Variants in MRPL58 observed in about 807,000 individuals in gnomAD.
MRPL58 encodes the protein large ribosomal subunit protein mL62.
Under a neutral mutation model 26.0 loss-of-function variants are expected in MRPL58, and 17 were observed. That is an observed-to-expected ratio of 0.65 (90% CI 0.45 to 0.98). The LOEUF is 0.98. Ranked by LOEUF, MRPL58 falls within the 50% of genes least tolerant of loss-of-function variation. The pLI is 0.00. For missense variants in MRPL58, 250 were observed against 269.0 expected (o/e 0.93, Z 0.49); for synonymous variants, 100 against 99.7 (o/e 1.00, Z -0.02).
At chr17:75,020,696 T>C (rs1456183022) in intron 5 of MRPL58, 39 bp downstream of exon 5, 3 of 1,600,610 alleles carry the variant, frequency 1.9e-6, no homozygotes, top group Non-Finnish European at 2.6e-6. Context: ...AACTGATTTG[T>C]GTGGACAAGA....
At chr17:75,014,580 A>C (rs1177917347) in intron 1 of MRPL58, among the ~76,000 whole-genome samples, 4 of 150,880 alleles carry the variant, frequency 2.7e-5, no homozygotes, top group African/African-American at 9.8e-5. Flanking sequence ...AGTAGCTGGG[A>C]TTACAGGCAT....
At chr17:75,012,973 G>T in intron 1 of MRPL58, 101 bp downstream of exon 1, 1 of 1,115,064 alleles carries the variant, frequency 9.0e-7, no homozygotes, top group Non-Finnish European at 1.3e-6. Context: ...ACGTCGGGGG[G>T]CTACGTGATG....
At chr17:75,015,928 G>C (rs1279135949) in intron 1 of MRPL58, among the ~76,000 whole-genome samples, 1 of 150,184 alleles carries the variant, frequency 6.7e-6, no homozygotes, top group Admixed American at 6.6e-5. Context: ...TAGGATTACA[G>C]GTGTGTGCCA....
intron 5 of MRPL58, 126 bp from the exon 6 acceptor site, chr17:75,020,795 C>G (rs939335196): frequency 8.2e-6 from 10 of 1,215,566 alleles, no homozygotes; most frequent in South Asian, 1.3e-5. Context: ...GACCTGGGAC[C>G]GAGGCCTGCG....
chr17:75,017,234 T>C, intron 2 of MRPL58, 120 bp downstream of exon 2: 1 of 753,020 alleles, frequency 1.3e-6, no homozygotes. Flanking sequence ...GAGGTTGCAG[T>C]GGGCCGAGTT....
intron 1 of MRPL58, among the ~76,000 whole-genome samples, chr17:75,013,692 A>C (rs1032094656): frequency 2.0e-5 from 3 of 152,218 alleles, no homozygotes; most frequent in Non-Finnish European, 4.4e-5. Context: ...GCATTTGAAT[A>C]ACGACCTGGA....
intron 1 of MRPL58, among the ~76,000 whole-genome samples, chr17:75,016,665 G>A (rs368172862): frequency 2.1e-4 from 32 of 152,220 alleles, no homozygotes; most frequent in African/African-American, 7.5e-4. Context: ...TGTCCAAGGT[G>A]GACTGCCTTG....
chr17:75,013,624 G>T (rs561716548), intron 1 of MRPL58, among the ~76,000 whole-genome samples: 3 of 152,308 alleles, frequency 2.0e-5, no homozygotes, highest in Admixed American at 2.0e-4. Flanking sequence ...AGTGCCAGAG[G>T]TAGGAAGTAG....
chr17:75,019,704 C>T lies in MRPL58; in HGVS notation c.228C>T (p.Arg76=). ...KQADSDIPLD[R]LTISYCRSSG... is the part of the protein sequence containing the mutation. Reference sequence around the variant, plus strand: ...GTACTTTCTTCTGTTTTACAGATCGCTTGACAATATCTTATTGTCGGAGTA... The same window carrying T: ...GTACTTTCTTCTGTTTTACAGATCGTTTGACAATATCTTATTGTCGGAGTA... The change falls in exon 3 of 6, where the codon CGC becomes CGT. Residue 76 remains arginine, a synonymous_variant. Coordinates refer to ENST00000301585, the MANE Select transcript of MRPL58 (RefSeq NM_001545.3). 1 of 1,613,010 alleles carries T rather than the reference C, an allele frequency of 6.2e-7. No homozygotes were observed. Among genetic ancestry groups the T allele is most frequent in the South Asian group, 1.1e-5 (1 of 91,036 alleles).
intron 2 of MRPL58, among the ~76,000 whole-genome samples, chr17:75,019,129 C>CAA (rs57738832): frequency 2.2e-5 from 3 of 138,658 alleles, no homozygotes; most frequent in African/African-American, 2.6e-5. Context: ...GACCCTGTCT[C>CAA]AAAAAAAAAA....
intron 3 of MRPL58, among the ~76,000 whole-genome samples, chr17:75,020,056 ATTTT>A (rs35323952): frequency 4.9e-5 from 6 of 123,698 alleles, no homozygotes; most frequent in Non-Finnish European, 7.0e-5. Context: ...CATTCCCTCC[ATTTT>A]TTTTTTTTTT....
chr17:75,013,072 G>A (rs550680555), intron 1 of MRPL58, among the ~76,000 whole-genome samples, 200 bp downstream of exon 1: 13 of 152,304 alleles, frequency 8.5e-5, no homozygotes, highest in Admixed American at 3.3e-4. Flanking sequence ...AGCCCGGAAG[G>A]CCGGCTGGGT....
Position 75,012,691 on chromosome 17 carries a change from C to T in MRPL58, c.5C>T (p.Ala2Val). 4 of 1,548,648 alleles carry T rather than the reference C, an allele frequency of 2.6e-6. No individual in the cohort carries two copies. The highest frequency in any genetic ancestry group is 2.0e-5 in the Admixed American group (1 of 50,912). The part of the protein sequence containing the change: M[A>V]ATRCLRWGLS... ...AAGCAGTCGCAAGACCTGAGCATGG[C>T]GGCCACCAGGTGCCTGCGCTGGGGC... The change falls in exon 1 of 6, where the codon GCG becomes GTG. Residue 2 changes from alanine (A) to valine (V), a missense_variant. Transcript: ENST00000301585.
chr17:75,021,073 AC>A lies in MRPL58; in HGVS notation c.*70del. ...CAGCTGCAGCTGAGAGGACTTTCAC[AC>A]CATAAGGAGATTTCTGTTTTTCTTT... On this transcript the variant is annotated 3_prime_UTR_variant, in exon 6 of 6. Coordinates refer to ENST00000301585, the MANE Select transcript of MRPL58 (RefSeq NM_001545.3). The A allele has an allele frequency of 1.0e-6, 1 of 968,504 alleles. No individual in the cohort carries two copies. The highest frequency in any genetic ancestry group is 1.7e-6 in the Non-Finnish European group (1 of 599,896). The allele number at this position is 968,504 out of a possible 1,614,324, so 60.0% of individuals were successfully genotyped here. A position where few individuals can be genotyped will look rare whatever the true frequency, so the allele number is the denominator to read the frequency against.
At position 75,020,212 on chromosome 17, in the gene MRPL58, G is replaced by T. The variant is rs1031092188; in HGVS notation, c.284-101G>T. ...TAGGCTACAATGTACATGGTTAGGT[G>T]TCTGGCCTCCCTTTATTTCAGAATG... On this transcript the variant is annotated intron_variant, in intron 3 of 5. Coordinates refer to ENST00000301585, the MANE Select transcript of MRPL58 (RefSeq NM_001545.3). 11 of 912,724 alleles carry T rather than the reference G, an allele frequency of 1.2e-5. No homozygotes were observed. In the African/African-American group the frequency reaches 1.8e-4, roughly 15 times the overall value. The allele number at this position is 912,724 out of a possible 1,614,324, so 56.5% of individuals were successfully genotyped here.
At chr17:75,017,019 C>G in intron 1 of MRPL58, 59 bp from the exon 2 acceptor site, 1 of 1,288,320 alleles carries the variant, frequency 7.8e-7, no homozygotes, top group Admixed American at 1.7e-5. Flanking sequence ...TTGCCTTGAA[C>G]CAGTTAGGAG....
chr17:75,019,602 C>T (rs2039999814), intron 2 of MRPL58, 98 bp from the exon 3 acceptor site: 1 of 1,194,142 alleles, frequency 8.4e-7, no homozygotes. Context: ...GAAATTTTCC[C>T]AATATAATAC....
rs1312210512 is a variant in MRPL58 at position 75,020,831 on chromosome 17, T to C, written c.537-90T>C. 4.0e-6 allele frequency: 5 copies of C among 1,243,868 alleles called. No individual in the cohort carries two copies. In the South Asian group the frequency reaches 6.1e-5, roughly 15 times the overall value. The allele number at this position is 1,243,868 out of a possible 1,614,324, so 77.1% of individuals were successfully genotyped here. ...GGCTAGTGCCTGCTGGTGTAACTGC[T>C]CGGCTTCCCGTTGAGCTCCCAACTC... On this transcript the variant is annotated intron_variant, in intron 5 of 5. Coordinates refer to ENST00000301585, the MANE Select transcript of MRPL58 (RefSeq NM_001545.3).
chr17:75,015,797 G>A (rs1470873830), intron 1 of MRPL58, among the ~76,000 whole-genome samples: 7 of 151,874 alleles, frequency 4.6e-5, no homozygotes, highest in Non-Finnish European at 1.0e-4. Flanking sequence ...ACAAAGTCTC[G>A]TTAGCTGTCA....
Sources: allele counts gnomAD v4.1 joint callset (sites outside exome capture counted in the v4.1 genomes callset), GRCh38; gene constraint gnomAD v4.1.1; transcripts MANE v1.5; gene names NCBI Gene and HGNC (gene_info 2026-07-23, HGNC 2026-07-21).